Variants in SSBP3 observed in about 807,000 individuals in gnomAD.
The protein encoded by SSBP3 is single stranded DNA binding protein 3.
SSBP3 carries 5 observed loss-of-function variants against 69.6 expected under a neutral mutation model. That is an observed-to-expected ratio of 0.07 (90% CI 0.04 to 0.15). The LOEUF is 0.15. Among genes scored for constraint, SSBP3 ranks in the 10% least tolerant of loss-of-function variants. The pLI, the probability that SSBP3 is intolerant of heterozygous loss-of-function variation, is 1.00. For missense variants in SSBP3, 312 were observed against 534.0 expected (o/e 0.58, Z 4.10); for synonymous variants, 196 against 193.4 (o/e 1.01, Z -0.11).
intron 4 of SSBP3, among the ~76,000 whole-genome samples, chr1:54,383,152 T>C (rs187518327): frequency 1.7e-3 from 260 of 151,936 alleles, no homozygotes; most frequent in Non-Finnish European, 2.7e-3. Flanking sequence ...GGTGGGCGGA[T>C]TGTCTGAGCT....
At chr1:54,379,122 G>A (rs1355452351) in intron 4 of SSBP3, among the ~76,000 whole-genome samples, 1 of 152,182 alleles carries the variant, frequency 6.6e-6, no homozygotes, top group African/African-American at 2.4e-5. Context: ...GAGAGACAAA[G>A]AATTATTTAT....
At chr1:54,404,443 C>A in intron 3 of SSBP3, 133 bp downstream of exon 3, 1 of 1,062,684 alleles carries the variant, frequency 9.4e-7, no homozygotes, top group Non-Finnish European at 1.4e-6. Context: ...CGGAGTGCCT[C>A]GAGGTGCCCC....
intron 4 of SSBP3, among the ~76,000 whole-genome samples, chr1:54,317,400 G>T (rs139805466): frequency 0.017 from 2,571 of 152,154 alleles, 70 homozygotes; most frequent in African/African-American, 0.059. Flanking sequence ...AGCCGGGTGT[G>T]GTGGCAGGCG....
intron 4 of SSBP3, among the ~76,000 whole-genome samples, chr1:54,363,029 A>G (rs1269387761): frequency 1.3e-5 from 2 of 152,100 alleles, no homozygotes; most frequent in Non-Finnish European, 2.9e-5. Flanking sequence ...GGAGTCTTGG[A>G]AAGAGGGTGC....
At chr1:54,412,903 CAG>C (rs1183500607) in intron 1 of SSBP3, 1 of 152,116 alleles carries the variant, frequency 6.6e-6, no homozygotes, top group African/African-American at 2.4e-5. Flanking sequence ...TTAGTAGAGA[CAG>C]AGTTTCAACA....
rs1333391203 is a variant in SSBP3 at position 54,399,489 on chromosome 1, G to A, written c.276+2372C>T. ...TGAACCTACAGCAGTTAGCAGAGTG[G>A]CCTGGCACACGGAAAGCTGCCAACA... On this transcript the variant is annotated intron_variant, in intron 4 of 17. Coordinates refer to ENST00000610401, the Ensembl canonical transcript of SSBP3. Among the ~76,000 whole-genome samples the A allele has an allele frequency of 3.9e-5, 6 of 152,212 alleles. No individual in the cohort carries two copies. In the East Asian group the frequency reaches 9.6e-4, roughly 24 times the overall value.
chr1:54,408,180 G>C (rs1462036350), upstream of SSBP3, among the ~76,000 whole-genome samples: 1 of 152,176 alleles, frequency 6.6e-6, no homozygotes, highest in African/African-American at 2.4e-5. Context: ...GGAACGCTGA[G>C]ACCTAGTTTA....
At chr1:54,402,014 G>C (rs1027532938) in intron 3 of SSBP3, 69 bp from the exon 4 acceptor site, 12 of 1,352,630 alleles carry the variant, frequency 8.9e-6, no homozygotes, top group Non-Finnish European at 1.2e-5. Flanking sequence ...GCAAGTGCAC[G>C]ATGCATGGCG....
chr1:54,402,659 T>C (rs1387024592), intron 3 of SSBP3, among the ~76,000 whole-genome samples: 1 of 152,034 alleles, frequency 6.6e-6, no homozygotes, highest in Non-Finnish European at 1.5e-5. Context: ...CACATTGCAG[T>C]AGAGGGCCCT....
intron 4 of SSBP3, among the ~76,000 whole-genome samples, chr1:54,303,448 C>G (rs181032694): frequency 3.3e-4 from 50 of 152,314 alleles, no homozygotes; most frequent in African/African-American, 1.1e-3. Context: ...AACAATCACC[C>G]GCATTTCCCC....
At chr1:54,344,710 G>A (rs962887045) in intron 4 of SSBP3, among the ~76,000 whole-genome samples, 1 of 152,176 alleles carries the variant, frequency 6.6e-6, no homozygotes, top group Non-Finnish European at 1.5e-5. Flanking sequence ...AGAGATGAGA[G>A]ATAGCAACAG....
intron 5 of SSBP3, among the ~76,000 whole-genome samples, chr1:54,280,700 CGAG>C (rs1178980405): frequency 2.0e-5 from 3 of 152,170 alleles, no homozygotes; most frequent in South Asian, 2.1e-4. Flanking sequence ...CATGAACCGC[CGAG>C]GAGAAGGTAG....
rs190015128 is a variant in SSBP3, at chr1:54,354,842, G to A, written c.276+47019C>T. ...AAGACACGGTGCCTTAGGGAGGAGT[G>A]GACTTCAGAACACATCATCTGTACA... On this transcript the variant is annotated intron_variant, in intron 4 of 17. Transcript: ENST00000610401. Among the ~76,000 whole-genome samples the A allele has an allele frequency of 1.3e-3, 201 of 152,290 alleles. 8 individuals carry two copies. The South Asian group carries it at 0.027, about 20-fold the overall frequency.
rs536835411 is a variant in SSBP3 at position 54,318,666 on chromosome 1, G to A, written c.277-37139C>T. Among the ~76,000 whole-genome samples, 9 of 152,228 alleles carry A rather than the reference G, an allele frequency of 5.9e-5. No homozygotes were observed. The South Asian group carries it at 1.5e-3, about 25-fold the overall frequency. ...GTAAGGAACAGGACTGCCAGGAGAG[G>A]AATGTGTCCATAGCCTGCTCTCCCA... On this transcript the variant is annotated intron_variant, in intron 4 of 17. Transcript: ENST00000610401.
At chr1:54,292,857 T>C (rs768124423) in intron 4 of SSBP3, among the ~76,000 whole-genome samples, 2 of 151,896 alleles carry the variant, frequency 1.3e-5, no homozygotes, top group African/African-American at 2.4e-5. Context: ...TCTAGATAAC[T>C]CAGATTCTGG....
rs768979470 is a variant in SSBP3 at position 54,404,945 on chromosome 1, G to A, written c.57-15C>T. On this transcript the variant is annotated splice_polypyrimidine_tract_variant and intron_variant, in intron 1 of 17. Coordinates refer to ENST00000610401, the Ensembl canonical transcript of SSBP3. Reference sequence around the variant, plus strand: ...ATAAAGCTAACCTGGAAAGTGGACAGGGGGCAAAGAGAGAGAGGGAAAGGC... The same window carrying A: ...ATAAAGCTAACCTGGAAAGTGGACAAGGGGCAAAGAGAGAGAGGGAAAGGC... The A allele has an allele frequency of 4.3e-6, 7 of 1,610,514 alleles. No individual in the cohort carries two copies. Among genetic ancestry groups the A allele is most frequent in the South Asian group, 2.2e-5 (2 of 90,800 alleles).
intron 4 of SSBP3, among the ~76,000 whole-genome samples, chr1:54,313,906 GCAGGTGC>G (rs1267397089): frequency 7.2e-6 from 1 of 138,552 alleles, no homozygotes; most frequent in Non-Finnish European, 1.5e-5. Flanking sequence ...AGCTGGGATT[GCAGGTGC>G]CCACCACACC....
intron 5 of SSBP3, among the ~76,000 whole-genome samples, chr1:54,261,708 C>T (rs1045810080): frequency 6.6e-6 from 1 of 152,204 alleles, no homozygotes; most frequent in African/African-American, 2.4e-5. Context: ...ACATCTCCCT[C>T]CATGAGAGCT....
At chr1:54,362,588 T>C (rs1646966513) in intron 4 of SSBP3, among the ~76,000 whole-genome samples, 2 of 152,148 alleles carry the variant, frequency 1.3e-5, no homozygotes, top group African/African-American at 4.8e-5. Context: ...AGCCCCTACA[T>C]AGGCGCAAGA....
Sources: allele counts gnomAD v4.1 joint callset (sites outside exome capture counted in the v4.1 genomes callset), GRCh38; gene constraint gnomAD v4.1.1; transcripts MANE v1.5; gene names NCBI Gene and HGNC (gene_info 2026-07-23, HGNC 2026-07-21).